DAAM2: variants seen among roughly 807,000 people sequenced by gnomAD.
DAAM2 encodes the protein dishevelled associated activator of morphogenesis 2, also known as disheveled-associated activator of morphogenesis 2.
In DAAM2, 39 loss-of-function variants were observed where a neutral mutation model predicts 120.7. The observed-to-expected ratio is 0.32, with a 90% CI of 0.25 to 0.42. The LOEUF is 0.42. DAAM2 is among the 10% of genes least tolerant of loss of function. The probability of loss-of-function intolerance (pLI) is 1.00; values close to 1 mark genes in which losing one functional copy is unlikely to be tolerated. For missense variants in DAAM2, 1,283 were observed against 1,401.7 expected (o/e 0.92, Z 1.35); for synonymous variants, 488 against 524.9 (o/e 0.93, Z 0.96).
At chr6:39,874,024 T>C (rs1764770156) in intron 10 of DAAM2, among the ~76,000 whole-genome samples, 1 of 152,214 alleles carries the variant, frequency 6.6e-6, no homozygotes, top group Admixed American at 6.5e-5. Context: ...ACCATAATGG[T>C]TGATGTTGGC....
chr6:39,867,947 G>A, intron 6 of DAAM2, 104 bp downstream of exon 6: 1 of 1,051,608 alleles, frequency 9.5e-7, no homozygotes, highest in Non-Finnish European at 1.4e-6. Flanking sequence ...GGGGGAAAAG[G>A]AAAGTAATGT....
chr6:39,832,968 G>T (rs1413644645), intron 1 of DAAM2, among the ~76,000 whole-genome samples: 1 of 152,104 alleles, frequency 6.6e-6, no homozygotes, highest in African/African-American at 2.4e-5. Flanking sequence ...GCTGGTCTGG[G>T]ATGTGAGGGT....
intron 1 of DAAM2, among the ~76,000 whole-genome samples, chr6:39,812,929 C>T (rs999888714): frequency 2.6e-5 from 4 of 152,018 alleles, no homozygotes; most frequent in East Asian, 1.9e-4. Flanking sequence ...CAAGAAAGCA[C>T]GATTCCTCAC....
intron 1 of DAAM2, among the ~76,000 whole-genome samples, chr6:39,804,765 T>C (rs1761962675): frequency 6.6e-6 from 1 of 152,298 alleles, no homozygotes; most frequent in Admixed American, 6.5e-5. Context: ...TGGTACCAGA[T>C]TGAAGTGAGC....
intron 1 of DAAM2, among the ~76,000 whole-genome samples, chr6:39,850,409 A>G (rs1445545306): frequency 6.6e-6 from 1 of 151,334 alleles, no homozygotes; most frequent in Non-Finnish European, 1.5e-5. Flanking sequence ...CTGCCCAAAC[A>G]CCTCGTTCTC....
intron 1 of DAAM2, chr6:39,820,387 C>T (rs1285876162): frequency 6.6e-6 from 1 of 152,150 alleles, no homozygotes; most frequent in Admixed American, 6.5e-5. Context: ...TAAAACCTGC[C>T]TGTGGATCTA....
intron 1 of DAAM2, among the ~76,000 whole-genome samples, chr6:39,801,160 C>T (rs1020475372): frequency 5.9e-5 from 9 of 152,096 alleles, no homozygotes; most frequent in African/African-American, 2.2e-4. Flanking sequence ...TATATAAAAT[C>T]GTTTTAGAGG....
At chr6:39,853,984 G>A (rs2149278502) in intron 1 of DAAM2, among the ~76,000 whole-genome samples, 1 of 152,274 alleles carries the variant, frequency 6.6e-6, no homozygotes, top group African/African-American at 2.4e-5. Context: ...AGAAACCAGG[G>A]CTTTGTCTTA....
chr6:39,827,141 C>G (rs986805420), intron 1 of DAAM2, among the ~76,000 whole-genome samples: 1 of 152,102 alleles, frequency 6.6e-6, no homozygotes, highest in Non-Finnish European at 1.5e-5. Context: ...AATTTGTCTG[C>G]GACTGTTCTG....
intron 7 of DAAM2, among the ~76,000 whole-genome samples, chr6:39,869,717 A>T (rs1375283343): frequency 6.7e-6 from 1 of 148,838 alleles, no homozygotes; most frequent in Non-Finnish European, 1.5e-5. Flanking sequence ...GGAGCAATTT[A>T]ATGATCTTTA....
chr6:39,832,137 G>A (rs1762939173), intron 1 of DAAM2, among the ~76,000 whole-genome samples: 1 of 151,908 alleles, frequency 6.6e-6, no homozygotes, highest in African/African-American at 2.4e-5. Flanking sequence ...GTGCACTGGT[G>A]CTCACTCCTC....
intron 14 of DAAM2, chr6:39,879,782 A>C (rs1171856591): frequency 5.9e-6 from 3 of 505,106 alleles, no homozygotes; most frequent in African/African-American, 5.8e-5. Context: ...GTAGAATTCA[A>C]GGACAGGGTC....
chr6:39,871,665 G>C, intron 9 of DAAM2, 93 bp downstream of exon 9: 1 of 1,136,796 alleles, frequency 8.8e-7, no homozygotes, highest in Non-Finnish European at 1.3e-6. Context: ...TTGTGGCAGG[G>C]CTGGTGTGGG....
In DAAM2 at chr6:39,899,989, T is replaced by C. The variant is rs565478801; in HGVS notation, c.2680-88T>C. The C allele has an allele frequency of 3.8e-4, 536 of 1,428,788 alleles. No homozygotes were observed. In the Middle Eastern group the frequency reaches 4.7e-3, roughly 12 times the overall value. 88.5% of individuals were successfully genotyped at this position (1,428,788 alleles called of 1,614,324 possible). ...CCCTCTTCCAAAGGGCTCAATGTCC[T>C]GTGAGTGACGAGGGGAGATGTGGTG... On this transcript the variant is annotated intron_variant, in intron 22 of 24. Coordinates refer to ENST00000274867, the MANE Select transcript of DAAM2 (RefSeq NM_001201427.2).
In DAAM2 at chr6:39,805,841, C is replaced by T. The variant is rs182861789; in HGVS notation, c.-57+13376C>T. On this transcript the variant is annotated intron_variant, in intron 1 of 24. Transcript: ENST00000274867. ...TGCTGGGATTATAGGAGTGAGCCAC[C>T]GTGCCCGGCCCCTAAGGTATTTTTA... Among the ~76,000 whole-genome samples, 408 of 152,238 alleles carry T rather than the reference C, an allele frequency of 2.7e-3. 4 individuals are homozygous for T. The highest frequency in any genetic ancestry group is 9.2e-3 in the African/African-American group (381 of 41,532).
chr6:39,805,884 T>C (rs1761997088), intron 1 of DAAM2, among the ~76,000 whole-genome samples: 1 of 152,298 alleles, frequency 6.6e-6, no homozygotes, highest in South Asian at 2.1e-4. Context: ...TTTTATAACC[T>C]GAACAAGACT....
At chr6:39,896,425 AACTCCTG>A (rs1471768998) in intron 19 of DAAM2, among the ~76,000 whole-genome samples, 1 of 152,124 alleles carries the variant, frequency 6.6e-6, no homozygotes, top group African/African-American at 2.4e-5. Context: ...GCTGGTCTCG[AACTCCTG>A]ACTCAAGTGA....
At chr6:39,817,892 A>G (rs540114932) in intron 1 of DAAM2, among the ~76,000 whole-genome samples, 1 of 152,258 alleles carries the variant, frequency 6.6e-6, no homozygotes, top group South Asian at 2.1e-4. Flanking sequence ...AAAAGAAAAA[A>G]TTCTGGCTGG....
intron 16 of DAAM2, 77 bp from the exon 17 acceptor site, chr6:39,888,602 G>A (rs1765512293): frequency 1.6e-6 from 2 of 1,237,010 alleles, no homozygotes; most frequent in African/African-American, 3.0e-5. Context: ...GTTAGGGAAT[G>A]AGGGAAGGCG....
Sources: allele counts gnomAD v4.1 joint callset (sites outside exome capture counted in the v4.1 genomes callset), GRCh38; gene constraint gnomAD v4.1.1; transcripts MANE v1.5; gene names NCBI Gene and HGNC (gene_info 2026-07-23, HGNC 2026-07-21).